GMDS: variants seen among roughly 807,000 people sequenced by gnomAD.
GMDS encodes the protein GDP-mannose 4,6-dehydratase.
In GMDS, 20 loss-of-function variants were observed where a neutral mutation model predicts 49.9. That is an observed-to-expected ratio of 0.40 (90% confidence interval 0.28 to 0.58). GMDS has a LOEUF of 0.58. Ranked by LOEUF, GMDS falls within the 20% of genes least tolerant of loss-of-function variation. The probability of loss-of-function intolerance (pLI) is 0.42; values close to 1 mark genes in which losing one functional copy is unlikely to be tolerated. For synonymous variants in GMDS, 177 were observed against 178.6 expected (o/e 0.99, Z 0.07); for missense variants, 362 against 481.4 (o/e 0.75, Z 2.32).
At chr6:2,209,454 T>C (rs1047937472) in intron 1 of GMDS, among the ~76,000 whole-genome samples, 2 of 152,152 alleles carry the variant, frequency 1.3e-5, no homozygotes, top group Non-Finnish European at 2.9e-5. Flanking sequence ...AATAGGCAGG[T>C]GTTAGCCAAG....
intron 9 of GMDS, among the ~76,000 whole-genome samples, chr6:1,694,929 G>A (rs538318812): frequency 6.6e-6 from 1 of 152,186 alleles, no homozygotes; most frequent in Non-Finnish European, 1.5e-5. Context: ...TTTGTCTAAC[G>A]TTCTTTGAGT....
chr6:1,974,303 T>C (rs1764776315), intron 4 of GMDS, among the ~76,000 whole-genome samples: 1 of 152,134 alleles, frequency 6.6e-6, no homozygotes, highest in South Asian at 2.1e-4. Context: ...AACTGTGTGA[T>C]ACACTGGCAA....
chr6:1,873,998 T>C (rs755897879), intron 7 of GMDS, among the ~76,000 whole-genome samples: 1 of 152,210 alleles, frequency 6.6e-6, no homozygotes, highest in Non-Finnish European at 1.5e-5. Context: ...GTGGTGTAAT[T>C]ACAGCTTGCA....
chr6:1,740,413 T>C (rs1157446692), intron 8 of GMDS, among the ~76,000 whole-genome samples: 1 of 151,944 alleles, frequency 6.6e-6, no homozygotes, highest in Admixed American at 6.6e-5. Flanking sequence ...AAAAATTAGA[T>C]GGGCGTGGTG....
chr6:2,140,274 C>G (rs1776222336), intron 1 of GMDS, among the ~76,000 whole-genome samples: 1 of 151,992 alleles, frequency 6.6e-6, no homozygotes, highest in Admixed American at 6.6e-5. Context: ...GCCACGAGAC[C>G]ACAGAAGCAG....
chr6:1,827,820 G>A (rs1461149253), intron 7 of GMDS, among the ~76,000 whole-genome samples: 1 of 152,012 alleles, frequency 6.6e-6, no homozygotes, highest in Non-Finnish European at 1.5e-5. Context: ...GAAATGCTAG[G>A]GAAGGGAAAG....
intron 1 of GMDS, among the ~76,000 whole-genome samples, chr6:2,213,859 C>G (rs2127584916): frequency 1.3e-5 from 2 of 152,312 alleles, no homozygotes; most frequent in South Asian, 4.1e-4. Flanking sequence ...TCCTTACATA[C>G]TTTGAGGCAA....
intron 1 of GMDS, among the ~76,000 whole-genome samples, chr6:2,216,689 A>ACTATCAACTTGCACACATACAAATTTT (rs1321544690): frequency 2.0e-5 from 3 of 152,216 alleles, no homozygotes; most frequent in Non-Finnish European, 4.4e-5. Context: ...AACCTGCTTA[A>ACTATCAACTTGCACACATACAAATTTT]CTATCAACTT....
intron 7 of GMDS, among the ~76,000 whole-genome samples, chr6:1,927,530 C>G (rs1418109223): frequency 6.6e-6 from 1 of 152,218 alleles, no homozygotes; most frequent in African/African-American, 2.4e-5. Flanking sequence ...CCTTTTTGCA[C>G]CAACCCCTAC....
At chr6:1,968,060 A>C (rs1764368185) in intron 4 of GMDS, among the ~76,000 whole-genome samples, 1 of 152,218 alleles carries the variant, frequency 6.6e-6, no homozygotes, top group Non-Finnish European at 1.5e-5. Context: ...AGCAAATAAA[A>C]CAAATGACAA....
chr6:2,016,079 A>T (rs1282630004), intron 4 of GMDS, among the ~76,000 whole-genome samples: 3 of 95,564 alleles, frequency 3.1e-5, no homozygotes, highest in Admixed American at 1.1e-4. Context: ...AAAAAAAAAA[A>T]AATAAATTAA....
At chr6:1,997,139 T>C (rs955864628) in intron 4 of GMDS, among the ~76,000 whole-genome samples, 10 of 151,892 alleles carry the variant, frequency 6.6e-5, no homozygotes, top group African/African-American at 2.2e-4. Context: ...TGCTGGCAGA[T>C]AGCAAAGTTG....
At chr6:1,896,184 T>C (rs1429165595) in intron 7 of GMDS, among the ~76,000 whole-genome samples, 1 of 152,150 alleles carries the variant, frequency 6.6e-6, no homozygotes, top group East Asian at 1.9e-4. Flanking sequence ...CATTCATTGT[T>C]GCCCTGTGTA....
intron 4 of GMDS, among the ~76,000 whole-genome samples, chr6:2,072,817 C>G (rs1772093663): frequency 1.3e-5 from 2 of 152,138 alleles, no homozygotes; most frequent in Admixed American, 6.5e-5. Flanking sequence ...CTAACCTGAA[C>G]CCCATCTTCT....
At chr6:1,754,016 C>G (rs987265817) in intron 7 of GMDS, among the ~76,000 whole-genome samples, 7 of 151,978 alleles carry the variant, frequency 4.6e-5, no homozygotes, top group African/African-American at 1.7e-4. Flanking sequence ...TAGCAGAAGA[C>G]AAGAAATAAC....
chr6:1,985,385 AT>A (rs11409375), intron 4 of GMDS, among the ~76,000 whole-genome samples: 6 of 151,572 alleles, frequency 4.0e-5, no homozygotes, highest in African/African-American at 1.2e-4. Flanking sequence ...TTGCAAACCG[AT>A]TTTTTTTTAA....
intron 7 of GMDS, among the ~76,000 whole-genome samples, chr6:1,907,315 C>T (rs1760827079): frequency 6.6e-6 from 1 of 152,138 alleles, no homozygotes; most frequent in Admixed American, 6.5e-5. Context: ...TCAAGCACCC[C>T]ACGGTCCCAT....
At chr6:2,234,227 T>C (rs1781246169) in intron 1 of GMDS, among the ~76,000 whole-genome samples, 1 of 152,226 alleles carries the variant, frequency 6.6e-6, no homozygotes, top group Non-Finnish European at 1.5e-5. Flanking sequence ...TATTCCTTCC[T>C]ATCCATCATA....
chr6:1,916,882 GTT>G (rs59933624), intron 7 of GMDS, among the ~76,000 whole-genome samples: 1 of 145,424 alleles, frequency 6.9e-6, no homozygotes, highest in African/African-American at 2.5e-5. Context: ...GCTTCTTCAG[GTT>G]TTTTTTTTTT....
Sources: allele counts gnomAD v4.1 joint callset (sites outside exome capture counted in the v4.1 genomes callset), GRCh38; gene constraint gnomAD v4.1.1; transcripts MANE v1.5; gene names NCBI Gene and HGNC (gene_info 2026-07-23, HGNC 2026-07-21).